Variants in TLCD2 observed in about 807,000 individuals in gnomAD.
TLCD2 encodes TLC domain-containing protein 2.
Under a neutral mutation model 14.0 loss-of-function variants are expected in TLCD2, and 12 were observed. The ratio of observed to expected loss-of-function variants is 0.86; its 90% CI spans 0.55 to 1.39. The LOEUF is 1.39. Ranked by LOEUF, TLCD2 falls within the 40% of genes most tolerant of loss-of-function variation. The probability of loss-of-function intolerance (pLI) is 0.00; values close to 1 mark genes in which losing one functional copy is unlikely to be tolerated. For missense variants in TLCD2, 360 were observed against 346.8 expected (o/e 1.04, Z -0.30); for synonymous variants, 166 against 156.5 (o/e 1.06, Z -0.45).
Position 1,703,481 on chromosome 17 carries a change from T to A in TLCD2, c.*4289A>T, listed in dbSNP as rs1913936536. ...CCCAGGCTGGAGTGCAGTGGCACGA[T>A]CTTGGCTCACTGCAAGCTCCGCCTC... On this transcript the variant is annotated 3_prime_UTR_variant, in exon 4 of 4. Transcript: ENST00000330676. The A allele has an allele frequency of 6.6e-6, 1 of 152,256 alleles. No individual in the cohort carries two copies. Among genetic ancestry groups the A allele is most frequent in the East Asian group, 1.9e-4 (1 of 5,200 alleles). The allele number at this position is 152,256 out of a possible 1,614,324, so 9.4% of individuals were successfully genotyped here. A position where few individuals can be genotyped will look rare whatever the true frequency, so the allele number is the denominator to read the frequency against.
Position 1,710,015 on chromosome 17 carries a change from G to T in TLCD2, c.176+52C>A. 1.3e-6 allele frequency: 2 copies of T among 1,523,062 alleles called. No homozygotes were observed. Among genetic ancestry groups the T allele is most frequent in the Non-Finnish European group, 1.8e-6 (2 of 1,141,018 alleles). 94.3% of individuals were successfully genotyped at this position (1,523,062 alleles called of 1,614,324 possible). On this transcript the variant is annotated intron_variant, in intron 1 of 3. Coordinates refer to ENST00000330676, the MANE Select transcript of TLCD2 (RefSeq NM_001164407.2). The surrounding 1 kb of genome is among the most constrained non-coding windows in gnomAD (Gnocchi z 6.1). ...ACGCCCGGCGGGTCTCCCGGCCTCA[G>T]CCTCCCACCCCTCGCCCTCGCCCCG...
At position 1,710,353 on chromosome 17, in the gene TLCD2, T is replaced by C. The variant is rs1022301358; in HGVS notation, c.-111A>G. On this transcript the variant is annotated 5_prime_UTR_variant, in exon 1 of 4. Coordinates refer to ENST00000330676, the MANE Select transcript of TLCD2 (RefSeq NM_001164407.2). The surrounding 1 kb of genome is among the most constrained non-coding windows in gnomAD (Gnocchi z 6.1). ...GGCAGGGCTGGGGCCCCGGCTCCCC[T>C]CCCCGCCGCGCCTTTGGGATCAGCA... is the stretch of plus-strand genomic sequence containing the variant. 1.1e-6 allele frequency: 1 copy of C among 904,944 alleles called. No individual in the cohort carries two copies. Among genetic ancestry groups the C allele is most frequent in the Non-Finnish European group, 1.6e-6 (1 of 640,834 alleles). The allele number at this position is 904,944 out of a possible 1,614,324, so 56.1% of individuals were successfully genotyped here. A position where few individuals can be genotyped will look rare whatever the true frequency, so the allele number is the denominator to read the frequency against.
intron 1 of TLCD2, 25 bp from the exon 2 acceptor site, chr17:1,709,911 G>GA (rs754895630): frequency 1.1e-5 from 17 of 1,521,362 alleles, no homozygotes; most frequent in Admixed American, 2.0e-5. Flanking sequence ...TGGGGACATG[G>GA]GGGGGGGCAT....
In TLCD2 at chr17:1,708,223, C is replaced by T. The variant is rs1419283016; in HGVS notation, c.343-1G>A. ...CAGCGGTGCTGAGGCAGCTCACCAC[C>T]TGGGAGCCAGGGTCACAGGTCAGAG... is the stretch of plus-strand genomic sequence containing the variant. On this transcript the variant is annotated splice_acceptor_variant, in intron 3 of 3. Coordinates refer to ENST00000330676, the MANE Select transcript of TLCD2 (RefSeq NM_001164407.2). LOFTEE classifies it high-confidence loss of function. The T allele has an allele frequency of 2.0e-6, 3 of 1,518,132 alleles. No homozygotes were observed. In the South Asian group the frequency reaches 3.7e-5, roughly 19 times the overall value. The allele number at this position is 1,518,132 out of a possible 1,614,324, so 94.0% of individuals were successfully genotyped here.
intron 3 of TLCD2, among the ~76,000 whole-genome samples, chr17:1,708,793 A>T (rs1914125510): frequency 6.6e-6 from 1 of 152,104 alleles, no homozygotes; most frequent in Non-Finnish European, 1.5e-5. Flanking sequence ...TAGGGCTTTC[A>T]TGCCCCATAC....
rs560161228 is a variant in TLCD2, at chr17:1,707,102, G to C, written c.*668C>G. 3.3e-5 allele frequency: 5 copies of C among 152,242 alleles called. No homozygotes were observed. The highest frequency in any genetic ancestry group is 6.5e-5 in the Admixed American group (1 of 15,278). The allele number at this position is 152,242 out of a possible 1,614,324, so 9.4% of individuals were successfully genotyped here. Reference sequence around the variant, plus strand: ...CAATCACTTGAACCCAGGAGGCTGAGGTTGCAGTGAGCCGAAATCGTGCCA... The same window carrying C: ...CAATCACTTGAACCCAGGAGGCTGACGTTGCAGTGAGCCGAAATCGTGCCA... On this transcript the variant is annotated 3_prime_UTR_variant, in exon 4 of 4. Coordinates refer to ENST00000330676, the MANE Select transcript of TLCD2 (RefSeq NM_001164407.2).
rs1914087743 is a variant in TLCD2, at chr17:1,707,980, A to T, written c.585T>A (p.Val195=). Residue 195 remains valine (V), a synonymous_variant, in exon 4 of 4, where the codon GTT becomes GTA. Coordinates refer to ENST00000330676, the MANE Select transcript of TLCD2 (RefSeq NM_001164407.2). The stretch of plus-strand genomic sequence containing the variant: ...CACCCAGGGTGACCAGAGCAAGAGG[A>T]ACCTGGTGGTGCTGCCGGAACAGCC... The part of the protein sequence containing the change: ...SLWLFRQHHQ[V]PLALVTLGGI... 1 of 1,537,144 alleles carries T rather than the reference A, an allele frequency of 6.5e-7. No individual in the cohort carries two copies. Among genetic ancestry groups the T allele is most frequent in the South Asian group, 1.2e-5 (1 of 84,068 alleles).
In TLCD2 at chr17:1,709,521, T is replaced by A; in HGVS notation, c.320A>T (p.Asp107Val). 6.5e-7 allele frequency: 1 copy of A among 1,533,680 alleles called. No homozygotes were observed. Among genetic ancestry groups the A allele is most frequent in the Non-Finnish European group, 8.7e-7 (1 of 1,145,276 alleles). ...CACCACCAAATGATGACAGAGAAGA[T>A]CCCAGGTCTTGCCCAAGGTCTGGTT... Reference protein sequence around the residue: ...LWNQTLGKTWDLLCHHLVVVS... With the variant: ...LWNQTLGKTWVLLCHHLVVVS... The change falls in exon 3 of 4, where the codon GAT becomes GTT. Residue 107 changes from aspartate (D) to valine (V), a missense_variant. Coordinates refer to ENST00000330676, the MANE Select transcript of TLCD2 (RefSeq NM_001164407.2).
intron 3 of TLCD2, 143 bp downstream of exon 3, chr17:1,709,356 C>A (rs1040217881): frequency 1.3e-5 from 9 of 677,982 alleles, no homozygotes; most frequent in Non-Finnish European, 2.2e-5. Context: ...AACCACTGGA[C>A]CCCAGCCTGG....
Position 1,706,609 on chromosome 17 carries a change from A to T in TLCD2, c.*1161T>A, listed in dbSNP as rs955306641. ...GGCAAAACCTGGTCTCTACAAAAAAATACAAAAATTAGCCTGGTGCAGTGG... is the reference window on the plus strand; with the variant it reads ...GGCAAAACCTGGTCTCTACAAAAAATTACAAAAATTAGCCTGGTGCAGTGG... On this transcript the variant is annotated 3_prime_UTR_variant, in exon 4 of 4. Transcript: ENST00000330676. The T allele has an allele frequency of 1.3e-5, 2 of 151,452 alleles. No homozygotes were observed. Among genetic ancestry groups the T allele is most frequent in the Non-Finnish European group, 2.9e-5 (2 of 67,936 alleles). The allele number at this position is 151,452 out of a possible 1,614,324, so 9.4% of individuals were successfully genotyped here.
chr17:1,710,340 G>GCCCCGGCTC lies in TLCD2; in HGVS notation c.-107_-99dup. Reference sequence around the variant, plus strand: ...GAACCCGTTTCCCGGCAGGGCTGGGGCCCCGGCTCCCCTCCCCGCCGCGCC... The same window carrying GCCCCGGCTC: ...GAACCCGTTTCCCGGCAGGGCTGGGGCCCCGGCTCCCCCGGCTCCCCTCCCCGCCGCGCC... On this transcript the variant is annotated 5_prime_UTR_variant, in exon 1 of 4. Coordinates refer to ENST00000330676, the MANE Select transcript of TLCD2 (RefSeq NM_001164407.2). This position sits in a 1 kb window ranked among gnomAD's most constrained non-coding sequence, Gnocchi z 6.1. The GCCCCGGCTC allele has an allele frequency of 8.9e-7, 1 of 1,121,456 alleles. No homozygotes were observed. Among genetic ancestry groups the GCCCCGGCTC allele is most frequent in the Non-Finnish European group, 1.2e-6 (1 of 837,376 alleles). The allele number at this position is 1,121,456 out of a possible 1,614,324, so 69.5% of individuals were successfully genotyped here. A position where few individuals can be genotyped will look rare whatever the true frequency, so the allele number is the denominator to read the frequency against.
At position 1,704,389 on chromosome 17, in the gene TLCD2, T is replaced by G. The variant is rs954483334; in HGVS notation, c.*3381A>C. 14 of 151,994 alleles carry G rather than the reference T, an allele frequency of 9.2e-5. No homozygotes were observed. Among genetic ancestry groups the G allele is most frequent in the African/African-American group, 3.1e-4 (13 of 41,420 alleles). 9.4% of individuals were successfully genotyped at this position (151,994 alleles called of 1,614,324 possible). On this transcript the variant is annotated 3_prime_UTR_variant, in exon 4 of 4. Transcript: ENST00000330676. Reference sequence around the variant, plus strand: ...CTGGGATTACAGGCGTGAGCCACCATGCCCAGCCAGCAAACATGACTTCTA... The same window carrying G: ...CTGGGATTACAGGCGTGAGCCACCAGGCCCAGCCAGCAAACATGACTTCTA...
chr17:1,707,962 G>T lies in TLCD2; in HGVS notation c.603C>A (p.Thr201=). 1.3e-6 allele frequency: 2 copies of T among 1,537,262 alleles called. No individual in the cohort carries two copies. Among genetic ancestry groups the T allele is most frequent in the Non-Finnish European group, 1.7e-6 (2 of 1,146,928 alleles). ...CAGTGACCAGCCCAATTCCACCCAG[G>T]GTGACCAGAGCAAGAGGAACCTGGT... is the stretch of plus-strand genomic sequence containing the variant. The part of the protein sequence containing the change: ...QHHQVPLALV[T]LGGIGLVTVG... The change falls in exon 4 of 4, where the codon ACC becomes ACA. Residue 201 remains threonine, a synonymous_variant. Coordinates refer to ENST00000330676, the MANE Select transcript of TLCD2 (RefSeq NM_001164407.2).
At position 1,709,524 on chromosome 17, in the gene TLCD2, C is replaced by G; in HGVS notation, c.317G>C (p.Trp106Ser). The G allele has an allele frequency of 6.5e-7, 1 of 1,537,032 alleles. No homozygotes were observed. The highest frequency in any genetic ancestry group is 8.7e-7 in the Non-Finnish European group (1 of 1,146,858). Reference sequence around the variant, plus strand: ...CACCAAATGATGACAGAGAAGATCCCAGGTCTTGCCCAAGGTCTGGTTCCA... The same window carrying G: ...CACCAAATGATGACAGAGAAGATCCGAGGTCTTGCCCAAGGTCTGGTTCCA... ...LLWNQTLGKT[W>S]DLLCHHLVVV... The change falls in exon 3 of 4, where the codon TGG (tryptophan) becomes TCG (serine). Residue 106 changes from tryptophan to serine, a missense_variant. Trp to Ser is a radical substitution (Grantham distance 177). Coordinates refer to ENST00000330676, the MANE Select transcript of TLCD2 (RefSeq NM_001164407.2).
rs1218816057 is a variant in TLCD2 at position 1,704,090 on chromosome 17, T to C, written c.*3680A>G. On this transcript the variant is annotated 3_prime_UTR_variant, in exon 4 of 4. Transcript: ENST00000330676. ...AAACACAAAAATTAGCCGAGTGTGGTGGTGGGTACCTGTAATCCCAGCTAC... is the reference window on the plus strand; with the variant it reads ...AAACACAAAAATTAGCCGAGTGTGGCGGTGGGTACCTGTAATCCCAGCTAC... 6.6e-6 allele frequency: 1 copy of C among 151,476 alleles called. No individual in the cohort carries two copies. Among genetic ancestry groups the C allele is most frequent in the African/African-American group, 2.4e-5 (1 of 41,266 alleles). The allele number at this position is 151,476 out of a possible 1,614,324, so 9.4% of individuals were successfully genotyped here. A position where few individuals can be genotyped will look rare whatever the true frequency, so the allele number is the denominator to read the frequency against.
chr17:1,708,513 ACT>A (rs950379211), intron 3 of TLCD2, among the ~76,000 whole-genome samples: 1 of 111,090 alleles, frequency 9.0e-6, no homozygotes, highest in African/African-American at 3.5e-5. Flanking sequence ...TTCGAGACAG[ACT>A]CTCACTCTGC....
chr17:1,707,892 C>T lies in TLCD2; in HGVS notation c.673G>A (p.Asp225Asn). Residue 225 changes from aspartate (D) to asparagine (N), a missense_variant, in exon 4 of 4, where the codon GAT becomes AAT. Physicochemically the swap from Asp to Asn is conservative, Grantham distance 23. Coordinates refer to ENST00000330676, the MANE Select transcript of TLCD2 (RefSeq NM_001164407.2). ...IILGIRILVNDVLQSRPHPPS... is the reference protein window; with the variant it reads ...IILGIRILVNNVLQSRPHPPS... ...GGATGGGGTCGAGACTGTAGGACAT[C>T]ATTGACCAGAATACGGATCCCCAAT... The T allele has an allele frequency of 6.5e-7, 1 of 1,537,308 alleles. No individual in the cohort carries two copies. The highest frequency in any genetic ancestry group is 1.2e-5 in the South Asian group (1 of 84,064).
At chr17:1,709,262 T>A (rs1015784332) in intron 3 of TLCD2, among the ~76,000 whole-genome samples, 1 of 151,522 alleles carries the variant, frequency 6.6e-6, no homozygotes, top group Non-Finnish European at 1.5e-5. Flanking sequence ...TGGTGGCGGG[T>A]GCCTGTAATC....
At chr17:1,708,292 C>T (rs1914104128) in intron 3 of TLCD2, 70 bp from the exon 4 acceptor site, 1 of 1,274,088 alleles carries the variant, frequency 7.8e-7, no homozygotes, top group Non-Finnish European at 1.1e-6. Flanking sequence ...TAACCCAGGC[C>T]TGAAGAAAGA....
Sources: gnomAD v4.1 joint callset for allele counts (sites outside exome capture counted in the v4.1 genomes callset) on GRCh38, gnomAD v4.1.1 for gene constraint, Gnocchi (gnomAD v3.1) non-coding constraint, MANE v1.5 for transcripts, NCBI Gene and HGNC (gene_info 2026-07-23, HGNC 2026-07-21) for gene names.